The following DAB1 variants were observed in gnomAD, a reference collection of about 807,000 sequenced individuals.
DAB1 encodes the protein DAB adaptor protein 1, also known as disabled homolog 1.
DAB1 carries 15 observed loss-of-function variants against 64.6 expected under a neutral mutation model. That is an observed-to-expected ratio of 0.23 (90% confidence interval 0.16 to 0.36). The LOEUF (loss-of-function observed/expected upper bound fraction) is 0.36. DAB1 is among the 10% of genes least tolerant of loss of function. The pLI is 1.00. For synonymous variants in DAB1, 235 were observed against 251.9 expected (o/e 0.93, Z 0.64); for missense variants, 596 against 706.7 (o/e 0.84, Z 1.78).
chr1:58,296,801 TC>T (rs1244102662), intron 4 of DAB1, among the ~76,000 whole-genome samples: 2 of 152,136 alleles, frequency 1.3e-5, no homozygotes, highest in African/African-American at 4.8e-5. Flanking sequence ...TGGGTTTGAA[TC>T]CCAATCCACT....
chr1:57,918,629 C>T (rs767681271), intron 5 of DAB1, among the ~76,000 whole-genome samples: 8 of 152,090 alleles, frequency 5.3e-5, no homozygotes, highest in Non-Finnish European at 1.0e-4. Flanking sequence ...TACAGACCAT[C>T]CTGGCTAACA....
At chr1:58,370,454 C>T (rs963715805) in intron 3 of DAB1, among the ~76,000 whole-genome samples, 5 of 150,292 alleles carry the variant, frequency 3.3e-5, no homozygotes, top group African/African-American at 1.2e-4. Context: ...ATTCCAGAAT[C>T]TAAACCAATA....
chr1:57,327,408 G>A (rs895489955), intron 1 of DAB1, among the ~76,000 whole-genome samples: 6 of 152,270 alleles, frequency 3.9e-5, no homozygotes, highest in Middle Eastern at 3.4e-3. Flanking sequence ...AGCACCAGGT[G>A]CCTTTCATGG....
intron 5 of DAB1, among the ~76,000 whole-genome samples, chr1:57,932,650 T>C (rs994618751): frequency 6.6e-6 from 1 of 152,186 alleles, no homozygotes; most frequent in African/African-American, 2.4e-5. Context: ...AGGATCATTA[T>C]GTCTTCTTGG....
rs550071599 is a variant in DAB1 at position 57,087,427 on chromosome 1, G to T, written c.307-15013C>A. The stretch of plus-strand genomic sequence containing the variant: ...GGAGTCACCAAGGGAGAAGGGGAGA[G>T]AAGTACACTGTAAGGCACAGACAGC... On this transcript the variant is annotated intron_variant, in intron 4 of 14. Coordinates refer to ENST00000371236, the MANE Select transcript of DAB1 (RefSeq NM_001365792.1). Among the ~76,000 whole-genome samples the T allele has an allele frequency of 2.0e-5, 3 of 152,358 alleles. No homozygotes were observed. In the South Asian group the frequency reaches 6.2e-4, roughly 32 times the overall value.
intron 11 of DAB1, among the ~76,000 whole-genome samples, chr1:57,021,387 C>A (rs538188470): frequency 2.0e-5 from 3 of 152,240 alleles, no homozygotes; most frequent in African/African-American, 7.2e-5. Context: ...GTGTCCCCAC[C>A]CAAATCTCAC....
At chr1:58,164,541 C>T (rs1655721242) in intron 4 of DAB1, among the ~76,000 whole-genome samples, 1 of 152,180 alleles carries the variant, frequency 6.6e-6, no homozygotes, top group African/African-American at 2.4e-5. Flanking sequence ...AGTTTTATAG[C>T]TTATAATAGC....
intron 6 of DAB1, among the ~76,000 whole-genome samples, chr1:57,693,873 C>G (rs564875199): frequency 6.6e-6 from 1 of 152,114 alleles, no homozygotes; most frequent in African/African-American, 2.4e-5. Flanking sequence ...GACCAAGAAC[C>G]CACCAGAAGG....
At chr1:58,467,628 A>G (rs1484503464) in intron 3 of DAB1, among the ~76,000 whole-genome samples, 1 of 152,266 alleles carries the variant, frequency 6.6e-6, no homozygotes, top group African/African-American at 2.4e-5. Context: ...ACAATAGATT[A>G]AGACTCAACT....
At chr1:57,033,255 C>A in intron 9 of DAB1, 1 of 937,796 alleles carries the variant, frequency 1.1e-6, no homozygotes, top group South Asian at 1.4e-5. Flanking sequence ...TTCCTGGGGA[C>A]ATTTGAATAG....
intron 7 of DAB1, among the ~76,000 whole-genome samples, chr1:57,582,876 A>T (rs1194212734): frequency 6.6e-6 from 1 of 152,194 alleles, no homozygotes; most frequent in East Asian, 1.9e-4. Flanking sequence ...CTTGCAGGTG[A>T]CTGGTTAAGC....
At chr1:57,769,019 C>T (rs1162273008) in intron 6 of DAB1, among the ~76,000 whole-genome samples, 1 of 152,120 alleles carries the variant, frequency 6.6e-6, no homozygotes, top group Non-Finnish European at 1.5e-5. Context: ...GCTCACTTTG[C>T]CCTTCACCCA....
chr1:57,957,554 G>A (rs760098504), intron 5 of DAB1, among the ~76,000 whole-genome samples: 16 of 152,144 alleles, frequency 1.1e-4, no homozygotes, highest in Non-Finnish European at 2.4e-4. Context: ...AGTGTATGCA[G>A]GAGACACCAA....
chr1:57,747,580 C>T (rs56260149), intron 6 of DAB1, among the ~76,000 whole-genome samples: 450 of 151,784 alleles, frequency 3.0e-3, no homozygotes, highest in African/African-American at 9.7e-3. Flanking sequence ...GAGGCCGAGG[C>T]GGGTGGATCA....
At chr1:58,473,242 C>T (rs763017141) in intron 3 of DAB1, among the ~76,000 whole-genome samples, 2 of 152,156 alleles carry the variant, frequency 1.3e-5, no homozygotes, top group African/African-American at 2.4e-5. Flanking sequence ...TCAATTTCCT[C>T]ATTCATAAAT....
At chr1:58,166,759 T>C (rs1655857985) in intron 4 of DAB1, among the ~76,000 whole-genome samples, 1 of 151,644 alleles carries the variant, frequency 6.6e-6, no homozygotes, top group Non-Finnish European at 1.5e-5. Context: ...CGTTTTTTTT[T>C]TTTTTTAATT....
At chr1:57,141,056 T>A (rs1364884448) in intron 3 of DAB1, among the ~76,000 whole-genome samples, 1 of 152,166 alleles carries the variant, frequency 6.6e-6, no homozygotes, top group African/African-American at 2.4e-5. Context: ...CAGGCATGAA[T>A]TCTGAAAACC....
At chr1:57,345,552 A>G (rs575662107) in intron 1 of DAB1, among the ~76,000 whole-genome samples, 1 of 151,886 alleles carries the variant, frequency 6.6e-6, no homozygotes, top group South Asian at 2.1e-4. Flanking sequence ...CACCTAAATC[A>G]TAAGAACTTT....
At chr1:57,840,249 C>T (rs1652989512) in intron 1 of DAB1, among the ~76,000 whole-genome samples, 1 of 152,062 alleles carries the variant, frequency 6.6e-6, no homozygotes, top group South Asian at 2.1e-4. Context: ...ATATCTAATA[C>T]TATGTAATCA....
Sources: gnomAD v4.1 joint callset for allele counts (sites outside exome capture counted in the v4.1 genomes callset) on GRCh38, gnomAD v4.1.1 for gene constraint, MANE v1.5 for transcripts, NCBI Gene and HGNC (gene_info 2026-07-23, HGNC 2026-07-21) for gene names.